The following MALRD1 variants were observed in gnomAD, a reference collection of about 807,000 sequenced individuals.
MALRD1 encodes MAM and LDL-receptor class A domain-containing protein 1.
A neutral mutation model predicts 242.1 loss-of-function variants in MALRD1; 247 were observed. The observed-to-expected ratio is 1.02, with a 90% CI of 0.92 to 1.13. MALRD1 has a LOEUF of 1.13. Among genes scored for constraint, MALRD1 ranks in the 50% most tolerant of loss-of-function variants. The pLI is 0.00. For synonymous variants in MALRD1, 995 were observed against 866.6 expected, an observed-to-expected ratio of 1.15 and a Z score of -2.60; for missense variants, 2,989 against 2,533.1, an observed-to-expected ratio of 1.18 and a Z score of -3.86.
intron 19 of MALRD1, among the ~76,000 whole-genome samples, chr10:19,270,187 G>T (rs887954210): frequency 6.6e-6 from 1 of 152,084 alleles, no homozygotes; most frequent in South Asian, 2.1e-4. Context: ...ATGGTGGTAG[G>T]TGCCTGTAAT....
chr10:19,584,319 G>T (rs1837282835), intron 33 of MALRD1, among the ~76,000 whole-genome samples: 1 of 152,050 alleles, frequency 6.6e-6, no homozygotes, highest in Admixed American at 6.6e-5. Context: ...GTGATGTTAG[G>T]ATGTCAATTT....
chr10:19,165,668 C>G lies in MALRD1; in HGVS notation c.1688C>G (p.Ser563Ter). 3 of 1,231,524 alleles carry G rather than the reference C, an allele frequency of 2.4e-6. No homozygotes were observed. Among genetic ancestry groups the G allele is most frequent in the Non-Finnish European group, 2.0e-6 (2 of 987,884 alleles). 76.3% of individuals were successfully genotyped at this position (1,231,524 alleles called of 1,614,324 possible). A position where few individuals can be genotyped will look rare whatever the true frequency, so the allele number is the denominator to read the frequency against. ...TTTTGGTATCATTTGTCTCAACATTCAAATCTCTCAGTTTTTACAAGAACG... is the reference window on the plus strand; with the variant it reads ...TTTTGGTATCATTTGTCTCAACATTGAAATCTCTCAGTTTTTACAAGAACG... ...VQFWYHLSQH[S>*]NLSVFTRTSL... The change falls in exon 13 of 40, where the codon TCA becomes TGA. Residue 563 changes from serine to a stop codon, truncating the protein, a stop_gained. Coordinates refer to ENST00000454679, the MANE Select transcript of MALRD1 (RefSeq NM_001142308.3). LOFTEE classifies it high-confidence loss of function.
At chr10:19,274,424 A>T (rs1001915787) in intron 19 of MALRD1, among the ~76,000 whole-genome samples, 9 of 152,150 alleles carry the variant, frequency 5.9e-5, no homozygotes, top group African/African-American at 1.9e-4. Flanking sequence ...TTAGGTCAGG[A>T]GAGTAAAGCT....
At chr10:19,075,668 C>T (rs1327960395) in intron 2 of MALRD1, among the ~76,000 whole-genome samples, 2 of 152,046 alleles carry the variant, frequency 1.3e-5, no homozygotes, top group Non-Finnish European at 2.9e-5. Flanking sequence ...AAAGCCTATT[C>T]ATCCTCAGGG....
chr10:19,533,222 A>C (rs1002064110), intron 32 of MALRD1, among the ~76,000 whole-genome samples: 1 of 152,202 alleles, frequency 6.6e-6, no homozygotes, highest in African/African-American at 2.4e-5. Context: ...GTGTTTAGCC[A>C]TGTTTCTGTA....
At chr10:19,388,325 G>C (rs147071079) in intron 27 of MALRD1, among the ~76,000 whole-genome samples, 1 of 152,284 alleles carries the variant, frequency 6.6e-6, no homozygotes, top group East Asian at 1.9e-4. Context: ...TTTTGGGAAG[G>C]AGAAAACACA....
At chr10:19,088,283 G>T (rs966082030) in intron 4 of MALRD1, 98 bp downstream of exon 4, 3 of 1,094,808 alleles carry the variant, frequency 2.7e-6, no homozygotes, top group African/African-American at 3.2e-5. Flanking sequence ...GTCCCAGTTT[G>T]CCAGGGACTG....
chr10:19,602,456 T>A (rs1178300904), intron 34 of MALRD1, among the ~76,000 whole-genome samples: 1 of 151,312 alleles, frequency 6.6e-6, no homozygotes, highest in Non-Finnish European at 1.5e-5. Flanking sequence ...TTTGTTTTTT[T>A]TTCCTTGCGA....
At chr10:19,281,518 A>G (rs1285145930) in intron 20 of MALRD1, among the ~76,000 whole-genome samples, 3 of 152,212 alleles carry the variant, frequency 2.0e-5, no homozygotes, top group Non-Finnish European at 4.4e-5. Context: ...TTAGTCAAAT[A>G]GTTTTTATAA....
intron 33 of MALRD1, among the ~76,000 whole-genome samples, chr10:19,568,910 A>G (rs1240582524): frequency 6.6e-6 from 1 of 152,128 alleles, no homozygotes; most frequent in East Asian, 1.9e-4. Flanking sequence ...ATGTTAGTAC[A>G]TTTATTTATC....
At chr10:19,139,175 T>C (rs542244939) in intron 10 of MALRD1, among the ~76,000 whole-genome samples, 2 of 152,336 alleles carry the variant, frequency 1.3e-5, no homozygotes, top group South Asian at 2.1e-4. Flanking sequence ...TGTGAAATTA[T>C]ATAGATTTGG....
At chr10:19,633,170 A>G (rs1243621156) in intron 36 of MALRD1, among the ~76,000 whole-genome samples, 2 of 152,092 alleles carry the variant, frequency 1.3e-5, no homozygotes, top group Admixed American at 1.3e-4. Flanking sequence ...GGTGGAGGTT[A>G]CAGTGAGCCA....
At chr10:19,656,835 T>C (rs78547181) in intron 36 of MALRD1, among the ~76,000 whole-genome samples, 101 of 152,278 alleles carry the variant, frequency 6.6e-4, no homozygotes, top group African/African-American at 2.3e-3. Context: ...ACTCTTTTCA[T>C]TATGACACAC....
chr10:19,654,089 T>A (rs550314865), intron 36 of MALRD1, among the ~76,000 whole-genome samples: 1 of 152,306 alleles, frequency 6.6e-6, no homozygotes, highest in African/African-American at 2.4e-5. Flanking sequence ...AGCATAATAT[T>A]GTCTCCTGTG....
chr10:19,140,526 G>GGGGT (rs1554796538), intron 10 of MALRD1, among the ~76,000 whole-genome samples: 4 of 111,504 alleles, frequency 3.6e-5, no homozygotes, highest in South Asian at 2.8e-4. Flanking sequence ...AAACAAGTGG[G>GGGGT]GTGTGTGTGT....
chr10:19,562,052 C>G (rs1286001837), intron 32 of MALRD1, among the ~76,000 whole-genome samples: 1 of 152,184 alleles, frequency 6.6e-6, no homozygotes, highest in Non-Finnish European at 1.5e-5. Flanking sequence ...AATCCCAGCA[C>G]TTTGGCAGGC....
intron 12 of MALRD1, among the ~76,000 whole-genome samples, chr10:19,157,537 G>A (rs550035038): frequency 4.1e-4 from 63 of 152,110 alleles, no homozygotes; most frequent in Middle Eastern, 6.8e-3. Flanking sequence ...GTGAGCCACC[G>A]CACCCAGTCG....
intron 19 of MALRD1, among the ~76,000 whole-genome samples, chr10:19,270,313 TC>T (rs1564517289): frequency 3.0e-5 from 4 of 132,908 alleles, no homozygotes; most frequent in African/African-American, 9.2e-5. Flanking sequence ...ACTGTCTCTC[TC>T]TCTTCTCTCT....
At chr10:19,175,134 A>G in intron 13 of MALRD1, 74 bp from the exon 14 acceptor site, 1 of 1,105,394 alleles carries the variant, frequency 9.0e-7, no homozygotes, top group African/African-American at 1.6e-5. Flanking sequence ...GGGTTCCTCT[A>G]CACAAAGAAA....
Sources: gnomAD v4.1 joint callset for allele counts (sites outside exome capture counted in the v4.1 genomes callset) on GRCh38, gnomAD v4.1.1 for gene constraint, MANE v1.5 for transcripts, NCBI Gene and HGNC (gene_info 2026-07-23, HGNC 2026-07-21) for gene names.